Variants in ACADL observed in about 807,000 individuals in gnomAD.
ACADL encodes the protein long-chain specific acyl-CoA dehydrogenase, mitochondrial.
ACADL carries 60 observed loss-of-function variants against 56.9 expected under a neutral mutation model. The ratio of observed to expected loss-of-function variants is 1.05; its 90% CI spans 0.86 to 1.31. ACADL has a LOEUF of 1.31. ACADL is among the 50% of genes most tolerant of loss of function. The probability of loss-of-function intolerance (pLI) is 0.00; values close to 1 mark genes in which losing one functional copy is unlikely to be tolerated. For synonymous variants in ACADL, 158 were observed against 179.7 expected, an observed-to-expected ratio of 0.88 and a Z score of 0.97; for missense variants, 484 against 525.5, an observed-to-expected ratio of 0.92 and a Z score of 0.77.
chr2:210,190,617 G>A (rs1201793194), intron 10 of ACADL, among the ~76,000 whole-genome samples: 1 of 152,050 alleles, frequency 6.6e-6, no homozygotes, highest in Admixed American at 6.5e-5. Flanking sequence ...AAAATGACAA[G>A]GCTTAAATCT....
At chr2:210,192,957 C>T (rs1005596151) in intron 9 of ACADL, 67 bp from the exon 10 acceptor site, 10 of 1,185,746 alleles carry the variant, frequency 8.4e-6, no homozygotes, top group Non-Finnish European at 1.3e-5. Flanking sequence ...TGCTTCAAAA[C>T]CAGAAAACTA....
In ACADL at chr2:210,217,982, A is replaced by G. The variant is rs772078200; in HGVS notation, c.354T>C (p.Ala118=). Residue 118 remains alanine, a synonymous_variant, in exon 3 of 11, where the codon GCT becomes GCC. Transcript: ENST00000233710. ...GGIGGDLYSA[A]IVWEEQAYSN... is the part of the protein sequence containing the mutation. ...ATACTTACTGCTCCTCCCAGACAAT[A>G]GCTGCGGAGTACAGATCCCCTCCAA... is the stretch of plus-strand genomic sequence containing the variant. 111 of 1,613,962 alleles carry G rather than the reference A, an allele frequency of 6.9e-5. 1 individual carries two copies. In the East Asian group the frequency reaches 2.4e-3, roughly 35 times the overall value.
chr2:210,193,466 GATT>G (rs1688667203), intron 9 of ACADL, among the ~76,000 whole-genome samples: 1 of 151,998 alleles, frequency 6.6e-6, no homozygotes, highest in Admixed American at 6.6e-5. Flanking sequence ...ATTATATAGA[GATT>G]ATTATTCCTG....
chr2:210,203,117 A>G (rs1157625731), intron 8 of ACADL, among the ~76,000 whole-genome samples: 1 of 152,132 alleles, frequency 6.6e-6, no homozygotes, highest in Non-Finnish European at 1.5e-5. Flanking sequence ...TCCAAATATG[A>G]ATTCTACCTT....
chr2:210,221,352 A>G (rs2125719194), intron 1 of ACADL, among the ~76,000 whole-genome samples: 1 of 152,308 alleles, frequency 6.6e-6, no homozygotes, highest in South Asian at 2.1e-4. Flanking sequence ...AGATTCTGTA[A>G]AATGGAATTA....
intron 4 of ACADL, among the ~76,000 whole-genome samples, chr2:210,210,949 A>C (rs560989592): frequency 1.4e-3 from 214 of 152,280 alleles, no homozygotes; most frequent in Non-Finnish European, 2.5e-3. Flanking sequence ...TTGTCTAAAA[A>C]AAAAAGAGTA....
At chr2:210,209,088 G>A (rs187849532) in intron 5 of ACADL, among the ~76,000 whole-genome samples, 28 of 152,240 alleles carry the variant, frequency 1.8e-4, no homozygotes, top group South Asian at 1.5e-3. Flanking sequence ...GCTATCATCC[G>A]TTTAATTATA....
At chr2:210,209,300 C>T (rs1330823127) in intron 5 of ACADL, among the ~76,000 whole-genome samples, 1 of 152,114 alleles carries the variant, frequency 6.6e-6, no homozygotes, top group African/African-American at 2.4e-5. Context: ...ACTCAGTCAA[C>T]AACAAATATT....
At chr2:210,192,698 C>A in intron 10 of ACADL, 106 bp downstream of exon 10, 1 of 884,472 alleles carries the variant, frequency 1.1e-6, no homozygotes. Context: ...CTGAAAAATT[C>A]AAAAGATTGC....
intron 7 of ACADL, among the ~76,000 whole-genome samples, chr2:210,204,001 A>T (rs771039227): frequency 1.3e-5 from 2 of 152,312 alleles, no homozygotes; most frequent in African/African-American, 4.8e-5. Context: ...CATAAGTTAA[A>T]TTCTACCTAT....
At chr2:210,216,965 T>C (rs1343342104) in intron 3 of ACADL, among the ~76,000 whole-genome samples, 5 of 149,104 alleles carry the variant, frequency 3.4e-5, no homozygotes, top group African/African-American at 1.2e-4. Context: ...AAACATGGAG[T>C]CATGGAGTGA....
intron 5 of ACADL, among the ~76,000 whole-genome samples, chr2:210,206,998 T>C (rs1053422956): frequency 1.3e-5 from 2 of 152,170 alleles, no homozygotes; most frequent in African/African-American, 4.8e-5. Flanking sequence ...CAATCCTGAT[T>C]ATCAACCTAT....
chr2:210,197,532 C>T (rs981890261), intron 8 of ACADL, among the ~76,000 whole-genome samples: 1 of 152,082 alleles, frequency 6.6e-6, no homozygotes, highest in Non-Finnish European at 1.5e-5. Context: ...ATCTATATAT[C>T]GAAAACAGAT....
chr2:210,217,534 C>CA (rs1689106090), intron 3 of ACADL: 1 of 160,278 alleles, frequency 6.2e-6, no homozygotes, highest in Admixed American at 6.2e-5. Context: ...TTTAAAAAAA[C>CA]ATATTTGCAT....
chr2:210,205,344 A>G (rs1688866074), intron 6 of ACADL, among the ~76,000 whole-genome samples: 3 of 152,022 alleles, frequency 2.0e-5, no homozygotes, highest in Admixed American at 2.0e-4. Context: ...TTTTTATTTC[A>G]TATTTTTCTT....
chr2:210,220,051 T>C lies in ACADL; in HGVS notation c.233+596A>G, dbSNP rs1689148617. On this transcript the variant is annotated intron_variant, in intron 2 of 10. Coordinates refer to ENST00000233710, the MANE Select transcript of ACADL (RefSeq NM_001608.4). ...TCTAACATAATAACGGTGCCGAGAA[T>C]TTTTTTGTTTTTATAATAACATAGT... 2.6e-5 allele frequency among the ~76,000 whole-genome samples: 4 copies of C among 152,204 alleles called. No individual in the cohort carries two copies. The South Asian group carries it at 8.3e-4, about 32-fold the overall frequency.
At chr2:210,215,996 G>A (rs1436770537) in intron 4 of ACADL, among the ~76,000 whole-genome samples, 2 of 152,068 alleles carry the variant, frequency 1.3e-5, no homozygotes, top group African/African-American at 4.8e-5. Context: ...ATAAATGAAA[G>A]ACTTTTAAAA....
intron 4 of ACADL, among the ~76,000 whole-genome samples, chr2:210,211,229 T>C (rs1216385171): frequency 1.3e-5 from 2 of 152,224 alleles, no homozygotes; most frequent in Non-Finnish European, 2.9e-5. Flanking sequence ...GTTAACAATA[T>C]CTAATGACTT....
chr2:210,216,229 C>T, intron 4 of ACADL, 118 bp downstream of exon 4: 1 of 1,067,346 alleles, frequency 9.4e-7, no homozygotes, highest in East Asian at 2.4e-5. Context: ...CATGAATTAT[C>T]CCGTGTTCAT....
Sources: allele counts gnomAD v4.1 joint callset (sites outside exome capture counted in the v4.1 genomes callset), GRCh38; gene constraint gnomAD v4.1.1; transcripts MANE v1.5; gene names NCBI Gene and HGNC (gene_info 2026-07-23, HGNC 2026-07-21).